MGMT: variants seen among roughly 807,000 people sequenced by gnomAD.
MGMT encodes the protein methylated-DNA--protein-cysteine methyltransferase.
A neutral mutation model predicts 15.9 loss-of-function variants in MGMT; 14 were observed. That is an observed-to-expected ratio of 0.88 (90% CI 0.58 to 1.37). The LOEUF is 1.37. Ranked by LOEUF, MGMT falls within the 40% of genes most tolerant of loss-of-function variation. The pLI, the probability that MGMT is intolerant of heterozygous loss-of-function variation, is 0.00. For missense variants in MGMT, 282 were observed against 268.1 expected (o/e 1.05, Z -0.36); for synonymous variants, 130 against 118.2 (o/e 1.10, Z -0.65).
intron 2 of MGMT, among the ~76,000 whole-genome samples, chr10:129,621,448 G>A (rs1589898168): frequency 1.3e-5 from 2 of 152,162 alleles, no homozygotes; most frequent in East Asian, 3.9e-4. Flanking sequence ...TTTCACGTAC[G>A]CATTTTGATG....
At chr10:129,605,075 A>T (rs76566870) in intron 2 of MGMT, among the ~76,000 whole-genome samples, 3,878 of 152,292 alleles carry the variant, frequency 0.025, 81 homozygotes, top group South Asian at 0.064. Context: ...ACTTGACTGC[A>T]TCTTGTTGTT....
intron 2 of MGMT, among the ~76,000 whole-genome samples, chr10:129,653,737 C>T (rs1162074623): frequency 1.3e-5 from 2 of 152,238 alleles, no homozygotes; most frequent in Admixed American, 6.5e-5. Context: ...CCTCAGGAAG[C>T]ACAGCGTGGT....
intron 1 of MGMT, among the ~76,000 whole-genome samples, chr10:129,514,098 A>AC (rs1845712777): frequency 6.6e-6 from 1 of 152,246 alleles, no homozygotes; most frequent in Admixed American, 6.5e-5. Context: ...TTGTTTGAAG[A>AC]ATTCATTCTG....
chr10:129,646,754 A>ATTTTTTTTTTTTTT (rs1554873525), intron 2 of MGMT, among the ~76,000 whole-genome samples: 7 of 86,642 alleles, frequency 8.1e-5, no homozygotes, highest in Admixed American at 1.2e-4. Context: ...ATATATATAT[A>ATTTTTTTTTTTTTT]TTTTCAGGGA....
chr10:129,679,960 C>T (rs1362389795), intron 2 of MGMT, among the ~76,000 whole-genome samples: 3 of 152,134 alleles, frequency 2.0e-5, no homozygotes, highest in Admixed American at 6.5e-5. Context: ...TTCCACGCTC[C>T]GTTATACCAT....
chr10:129,743,274 G>A (rs1415077344), intron 3 of MGMT, among the ~76,000 whole-genome samples: 3 of 152,160 alleles, frequency 2.0e-5, no homozygotes, highest in Non-Finnish European at 4.4e-5. Context: ...GCTTGCCGGC[G>A]AACGCCACCA....
intron 2 of MGMT, among the ~76,000 whole-genome samples, chr10:129,608,996 T>A (rs933028686): frequency 6.6e-6 from 1 of 152,272 alleles, no homozygotes; most frequent in Non-Finnish European, 1.5e-5. Flanking sequence ...TGCTCTCTCA[T>A]GTCACCTGCC....
chr10:129,686,254 CA>C (rs1399695662), intron 2 of MGMT, among the ~76,000 whole-genome samples: 4 of 148,990 alleles, frequency 2.7e-5, no homozygotes, highest in Admixed American at 6.9e-5. Flanking sequence ...TAAATTGAGT[CA>C]GGGGAAAGAA....
At chr10:129,561,182 C>T (rs1041813973) in intron 2 of MGMT, among the ~76,000 whole-genome samples, 1 of 152,172 alleles carries the variant, frequency 6.6e-6, no homozygotes, top group African/African-American at 2.4e-5. Flanking sequence ...ACCAATCTCA[C>T]GTATCTAACT....
intron 1 of MGMT, among the ~76,000 whole-genome samples, chr10:129,514,972 A>T (rs1845722591): frequency 6.6e-6 from 1 of 152,200 alleles, no homozygotes; most frequent in Non-Finnish European, 1.5e-5. Context: ...GCCCATGCAG[A>T]TTTTCCGGAA....
At chr10:129,749,688 T>C (rs1848732281) in intron 3 of MGMT, among the ~76,000 whole-genome samples, 1 of 152,146 alleles carries the variant, frequency 6.6e-6, no homozygotes, top group African/African-American at 2.4e-5. Context: ...TTGAAAGAAA[T>C]TGCAAAACAG....
At chr10:129,551,664 G>A (rs569356958) in intron 2 of MGMT, among the ~76,000 whole-genome samples, 5 of 152,296 alleles carry the variant, frequency 3.3e-5, no homozygotes, top group African/African-American at 9.6e-5. Context: ...ATTTTCACCT[G>A]TACTGACATT....
chr10:129,609,613 A>G (rs1269911307), intron 2 of MGMT, among the ~76,000 whole-genome samples: 3 of 152,194 alleles, frequency 2.0e-5, no homozygotes, highest in Non-Finnish European at 4.4e-5. Flanking sequence ...GAGATGATGA[A>G]ATGAGCACCT....
chr10:129,640,462 A>C (rs1485739941), intron 2 of MGMT, among the ~76,000 whole-genome samples: 2 of 152,210 alleles, frequency 1.3e-5, no homozygotes, highest in Non-Finnish European at 2.9e-5. Flanking sequence ...TAAATCTATC[A>C]TAATAATTGA....
intron 1 of MGMT, among the ~76,000 whole-genome samples, chr10:129,471,151 C>T (rs1845226485): frequency 6.6e-6 from 1 of 152,192 alleles, no homozygotes. Flanking sequence ...TTATTATAGA[C>T]ATCGTTCTGC....
At chr10:129,523,070 C>T (rs1237159689) in intron 1 of MGMT, among the ~76,000 whole-genome samples, 1 of 152,264 alleles carries the variant, frequency 6.6e-6, no homozygotes, top group Non-Finnish European at 1.5e-5. Context: ...TTTTGAACAC[C>T]AGCCTGCCAC....
At chr10:129,580,114 G>T (rs1180896563) in intron 2 of MGMT, among the ~76,000 whole-genome samples, 1 of 152,154 alleles carries the variant, frequency 6.6e-6, no homozygotes, top group East Asian at 1.9e-4. Context: ...TTCTAATTGC[G>T]GGTTTTTGTT....
At chr10:129,511,288 G>A (rs996100070) in intron 1 of MGMT, among the ~76,000 whole-genome samples, 3 of 148,670 alleles carry the variant, frequency 2.0e-5, no homozygotes, top group Non-Finnish European at 4.4e-5. Context: ...TGGGAACCTG[G>A]TATACCAGAT....
chr10:129,743,754 T>C (rs1415622770), intron 3 of MGMT, among the ~76,000 whole-genome samples: 2 of 152,214 alleles, frequency 1.3e-5, no homozygotes, highest in Non-Finnish European at 2.9e-5. Context: ...TTAAACCACA[T>C]TGTATTCCAT....
Sources: allele counts gnomAD v4.1 joint callset (sites outside exome capture counted in the v4.1 genomes callset), GRCh38; gene constraint gnomAD v4.1.1; transcripts MANE v1.5; gene names NCBI Gene and HGNC (gene_info 2026-07-23, HGNC 2026-07-21).